The following BPHL variants were observed in gnomAD, a reference collection of about 807,000 sequenced individuals.
The protein encoded by BPHL is serine hydrolase BPHL.
In BPHL, 27 loss-of-function variants were observed where a neutral mutation model predicts 31.2. The ratio of observed to expected loss-of-function variants is 0.87; its 90% CI spans 0.64 to 1.19. The LOEUF (loss-of-function observed/expected upper bound fraction) is 1.19, where lower values mean the gene tolerates loss of function less well. Among genes scored for constraint, BPHL ranks in the 50% most tolerant of loss-of-function variants. The pLI is 0.00. For synonymous variants in BPHL, 150 were observed against 146.8 expected, an observed-to-expected ratio of 1.02 and a Z score of -0.16; for missense variants, 356 against 375.7, an observed-to-expected ratio of 0.95 and a Z score of 0.43.
In BPHL at chr6:3,118,747, G is replaced by C. The variant is rs1761462505; in HGVS notation, c.7G>C (p.Ala3Pro). ...AGCTACGCGACCTGTGACCATGGTG[G>C]CTGTGCTGGGCGGCCGGGGCGTGTT... MV[A>P]VLGGRGVLRL... The change falls in exon 1 of 7, where the codon GCT (alanine) becomes CCT (proline). Residue 3 changes from alanine (A) to proline (P), a missense_variant. Coordinates refer to ENST00000380379, the MANE Select transcript of BPHL (RefSeq NM_004332.4). The C allele has an allele frequency of 7.9e-7, 1 of 1,260,274 alleles. No homozygotes were observed. Among genetic ancestry groups the C allele is most frequent in the South Asian group, 3.5e-5 (1 of 28,516 alleles). The allele number at this position is 1,260,274 out of a possible 1,614,324, so 78.1% of individuals were successfully genotyped here.
chr6:3,144,730 A>C (rs531246289), intron 6 of BPHL, among the ~76,000 whole-genome samples: 11 of 152,288 alleles, frequency 7.2e-5, no homozygotes, highest in African/African-American at 2.6e-4. Flanking sequence ...ACGTGAATGC[A>C]ATTCTTCCCA....
At chr6:3,130,786 C>T (rs530034650) in intron 4 of BPHL, among the ~76,000 whole-genome samples, 6 of 152,324 alleles carry the variant, frequency 3.9e-5, no homozygotes, top group East Asian at 3.9e-4. Flanking sequence ...CTTTTAAGTA[C>T]GCTACTTAGT....
At chr6:3,118,946 G>A in intron 1 of BPHL, 99 bp downstream of exon 1, 2 of 1,029,586 alleles carry the variant, frequency 1.9e-6, no homozygotes, top group Non-Finnish European at 2.5e-6. Flanking sequence ...CGGCGCGCGG[G>A]CACGGGGCGT....
rs1056234789 is a variant in BPHL, at chr6:3,152,537, G to A, written c.838G>A (p.Asp280Asn). Residue 280 changes from aspartate to asparagine, a missense_variant, in exon 7 of 7, where the codon GAT becomes AAT. Coordinates refer to ENST00000380379, the MANE Select transcript of BPHL (RefSeq NM_004332.4). ...GKHNLHLRFA[D>N]EFNKLAEDFL... ...ACACAACCTGCATTTGCGTTTTGCA[G>A]ATGAATTCAACAAGTTAGCAGAAGA... The A allele has an allele frequency of 6.2e-7, 1 of 1,613,370 alleles. No homozygotes were observed. Among genetic ancestry groups the A allele is most frequent in the Non-Finnish European group, 8.5e-7 (1 of 1,179,730 alleles).
chr6:3,146,401 G>A (rs1762362748), intron 6 of BPHL, among the ~76,000 whole-genome samples: 1 of 139,534 alleles, frequency 7.2e-6, no homozygotes, highest in Admixed American at 7.1e-5. Flanking sequence ...TTGGGTCGGA[G>A]TGCTGGTTTG....
Position 3,140,854 on chromosome 6 carries a change from G to A in BPHL, c.788+345G>A, listed in dbSNP as rs1762155074. ...GTTTCACACAATTTGGGAATTTTCA[G>A]TTTAGTTTTTTATCATTATAAAAGC... On this transcript the variant is annotated intron_variant, in intron 6 of 6. Coordinates refer to ENST00000380379, the MANE Select transcript of BPHL (RefSeq NM_004332.4). This position sits in a 1 kb window ranked among gnomAD's most constrained non-coding sequence, Gnocchi z 5.2. Among the ~76,000 whole-genome samples, 1 of 152,154 alleles carries A rather than the reference G, an allele frequency of 6.6e-6. No homozygotes were observed. The highest frequency in any genetic ancestry group is 1.5e-5 in the Non-Finnish European group (1 of 68,030).
rs202154887 is a variant in BPHL at position 3,127,458 on chromosome 6, T to C, written c.378+50T>C. 76 of 1,407,466 alleles carry C rather than the reference T, an allele frequency of 5.4e-5. 1 individual carries two copies. In the African/African-American group the frequency reaches 1.0e-3, roughly 19 times the overall value. The allele number at this position is 1,407,466 out of a possible 1,614,324, so 87.2% of individuals were successfully genotyped here. A position where few individuals can be genotyped will look rare whatever the true frequency, so the allele number is the denominator to read the frequency against. On this transcript the variant is annotated intron_variant, in intron 3 of 6. Coordinates refer to ENST00000380379, the MANE Select transcript of BPHL (RefSeq NM_004332.4). Reference sequence around the variant, plus strand: ...GGGAGGAAGGGTGGCTGGGCCTGTCTTCATTTATTTTGTTTAAATTTTGTT... The same window carrying C: ...GGGAGGAAGGGTGGCTGGGCCTGTCCTCATTTATTTTGTTTAAATTTTGTT...
intron 4 of BPHL, 44 bp downstream of exon 4, chr6:3,129,242 C>G: frequency 2.7e-6 from 4 of 1,506,008 alleles, no homozygotes; most frequent in Non-Finnish European, 3.5e-6. Context: ...AGATCCTTCC[C>G]CTCTCTCCGC....
intron 4 of BPHL, among the ~76,000 whole-genome samples, chr6:3,130,293 C>T (rs1267609824): frequency 6.6e-6 from 1 of 152,124 alleles, no homozygotes; most frequent in Non-Finnish European, 1.5e-5. Context: ...CTGGTGGTCA[C>T]TACACAGGGG....
chr6:3,119,161 G>A, intron 1 of BPHL: 1 of 884,136 alleles, frequency 1.1e-6, no homozygotes, highest in Non-Finnish European at 1.8e-6. Context: ...ACATTTGCCT[G>A]TAGTATGGAC....
rs192162581 is a variant in BPHL, at chr6:3,148,805, T to A, written c.789-3683T>A. Among the ~76,000 whole-genome samples, 189 of 152,296 alleles carry A rather than the reference T, an allele frequency of 1.2e-3. 1 individual carries two copies. The highest frequency in any genetic ancestry group is 4.4e-3 in the African/African-American group (184 of 41,552). ...TCAAAAACAGTGTGGTCTGAACCTT[T>A]CCAGACAAATCTTACATGCAAGATT... is the stretch of plus-strand genomic sequence containing the variant. On this transcript the variant is annotated intron_variant, in intron 6 of 6. Coordinates refer to ENST00000380379, the MANE Select transcript of BPHL (RefSeq NM_004332.4).
chr6:3,137,111 A>G (rs944611331), intron 4 of BPHL, among the ~76,000 whole-genome samples: 13 of 152,144 alleles, frequency 8.5e-5, no homozygotes, highest in Non-Finnish European at 5.9e-5. Flanking sequence ...GCCCTGGGGT[A>G]CAGTGGGGAG....
chr6:3,120,579 AC>A (rs1483669128), intron 1 of BPHL, among the ~76,000 whole-genome samples: 1 of 152,094 alleles, frequency 6.6e-6, no homozygotes, highest in Non-Finnish European at 1.5e-5. Context: ...TCGTGTAAAA[AC>A]TTTGCTTCAG....
Position 3,137,513 on chromosome 6 carries a change from G to A in BPHL, c.664+20G>A, listed in dbSNP as rs368227960. 34 of 1,613,528 alleles carry A rather than the reference G, an allele frequency of 2.1e-5. No homozygotes were observed. In the African/African-American group the frequency reaches 2.3e-4, roughly 11 times the overall value. ...CAGATGGTAGGTTACTGGGCTTGAA[G>A]GGCTCTCTGCCTGTTATAGAGGGTG... is the stretch of plus-strand genomic sequence containing the variant. On this transcript the variant is annotated intron_variant, in intron 5 of 6. Transcript: ENST00000380379.
chr6:3,119,264 CTCT>C (rs1761491606), intron 1 of BPHL: 7 of 1,533,282 alleles, frequency 4.6e-6, no homozygotes, highest in Non-Finnish European at 6.1e-6. Context: ...GGACAATAAT[CTCT>C]TCTTTCTCTT....
rs960631706 is a variant in BPHL, at chr6:3,137,620, G to C, written c.664+127G>C. The stretch of plus-strand genomic sequence containing the variant: ...GCCCTCACACGCTCATGTGTGAGCA[G>C]AACAGAGAATACTAGTTCTTGTGTA... On this transcript the variant is annotated intron_variant, in intron 5 of 6. Transcript: ENST00000380379. The C allele has an allele frequency of 1.0e-5, 14 of 1,357,938 alleles. No individual in the cohort carries two copies. The East Asian group carries it at 3.0e-4, about 29-fold the overall frequency. The allele number at this position is 1,357,938 out of a possible 1,614,324, so 84.1% of individuals were successfully genotyped here.
intron 6 of BPHL, among the ~76,000 whole-genome samples, chr6:3,151,855 G>A (rs901577588): frequency 6.6e-6 from 1 of 152,194 alleles, no homozygotes; most frequent in African/African-American, 2.4e-5. Context: ...ATGCTGAGCC[G>A]TGACAGCTGC....
In BPHL at chr6:3,153,457, G is replaced by C. The variant is rs1051190772; in HGVS notation, c.*882G>C. ...GAGATGAATACTTTGGGCCAGTAAA[G>C]GTGAACAAAATATGTATTTTCATCA... On this transcript the variant is annotated 3_prime_UTR_variant, in exon 7 of 7. Coordinates refer to ENST00000380379, the MANE Select transcript of BPHL (RefSeq NM_004332.4). The C allele has an allele frequency of 1.1e-5, 3 of 269,738 alleles. No individual in the cohort carries two copies. Among genetic ancestry groups the C allele is most frequent in the African/African-American group, 6.7e-5 (3 of 44,788 alleles). The allele number at this position is 269,738 out of a possible 1,614,324, so 16.7% of individuals were successfully genotyped here. A position where few individuals can be genotyped will look rare whatever the true frequency, so the allele number is the denominator to read the frequency against.
chr6:3,119,532 A>T, intron 1 of BPHL: 1 of 1,613,908 alleles, frequency 6.2e-7, no homozygotes, highest in East Asian at 2.2e-5. Context: ...TAACAAAAAA[A>T]CTGGATTAAT....
Sources: gnomAD v4.1 joint callset for allele counts (sites outside exome capture counted in the v4.1 genomes callset) on GRCh38, gnomAD v4.1.1 for gene constraint, Gnocchi (gnomAD v3.1) non-coding constraint, MANE v1.5 for transcripts, NCBI Gene and HGNC (gene_info 2026-07-23, HGNC 2026-07-21) for gene names.